The following GALNT17 variants were observed in gnomAD, a reference collection of about 807,000 sequenced individuals.
The protein encoded by GALNT17 is UDP-GalNAc:polypeptide N-acetylgalactosaminyltransferase-like 3.
In GALNT17, 29 loss-of-function variants were observed where a neutral mutation model predicts 63.7. That is an observed-to-expected ratio of 0.46 (90% CI 0.34 to 0.62). GALNT17 has a LOEUF of 0.62. GALNT17 is among the 20% of genes least tolerant of loss of function. The pLI is 0.01. For missense variants in GALNT17, 603 were observed against 799.6 expected (o/e 0.75, Z 2.97); for synonymous variants, 305 against 318.3 (o/e 0.96, Z 0.45).
At chr7:71,672,011 G>A (rs1791077547) in intron 8 of GALNT17, among the ~76,000 whole-genome samples, 1 of 131,468 alleles carries the variant, frequency 7.6e-6, no homozygotes, top group Non-Finnish European at 1.6e-5. Flanking sequence ...CTGGGTGATA[G>A]AGTGAGACTC....
chr7:71,376,835 C>T (rs1182296297), intron 2 of GALNT17, among the ~76,000 whole-genome samples: 1 of 151,082 alleles, frequency 6.6e-6, no homozygotes, highest in Admixed American at 6.6e-5. Flanking sequence ...CCTGTAATCC[C>T]AGCACTTTGG....
chr7:71,496,215 G>A (rs1350951291), intron 5 of GALNT17, among the ~76,000 whole-genome samples: 1 of 152,116 alleles, frequency 6.6e-6, no homozygotes, highest in Admixed American at 6.5e-5. Flanking sequence ...GAATGTGAAG[G>A]ACCCTGCAGT....
At position 71,492,730 on chromosome 7, in the gene GALNT17, G is replaced by A. The variant is rs576169997; in HGVS notation, c.962+71625G>A. On this transcript the variant is annotated intron_variant, in intron 5 of 10. Transcript: ENST00000333538. Reference sequence around the variant, plus strand: ...GGAGACAGTACACTTTCGTAGAACCGTTGTGAGAATGCAGTTGGACAATAG... The same window carrying A: ...GGAGACAGTACACTTTCGTAGAACCATTGTGAGAATGCAGTTGGACAATAG... Among the ~76,000 whole-genome samples the A allele has an allele frequency of 7.2e-5, 11 of 152,216 alleles. No homozygotes were observed. The South Asian group carries it at 1.2e-3, about 17-fold the overall frequency.
intron 5 of GALNT17, among the ~76,000 whole-genome samples, chr7:71,511,271 T>C (rs751575135): frequency 2.6e-5 from 4 of 152,068 alleles, no homozygotes; most frequent in Admixed American, 1.3e-4. Context: ...GAAGTGGGAA[T>C]GGGCTTGGAT....
At chr7:71,597,663 G>A (rs1454031267) in intron 6 of GALNT17, among the ~76,000 whole-genome samples, 1 of 152,208 alleles carries the variant, frequency 6.6e-6, no homozygotes, top group Non-Finnish European at 1.5e-5. Flanking sequence ...AGGGTTGTCA[G>A]CAGATGAGCC....
rs889401366 is a variant in GALNT17 at position 71,369,593 on chromosome 7, A to G, written c.423-18642A>G. On this transcript the variant is annotated intron_variant, in intron 2 of 10. Transcript: ENST00000333538. ...TTTGGGAGGCAGAGGTAGGCGGATCACTTGAGTTCTAGAGTTCGAGACCAG... is the reference window on the plus strand; with the variant it reads ...TTTGGGAGGCAGAGGTAGGCGGATCGCTTGAGTTCTAGAGTTCGAGACCAG... 4.6e-5 allele frequency among the ~76,000 whole-genome samples: 7 copies of G among 152,230 alleles called. No individual in the cohort carries two copies. In the East Asian group the frequency reaches 1.4e-3, roughly 29 times the overall value.
chr7:71,505,315 G>C (rs1788249307), intron 5 of GALNT17, among the ~76,000 whole-genome samples: 1 of 152,064 alleles, frequency 6.6e-6, no homozygotes, highest in Non-Finnish European at 1.5e-5. Flanking sequence ...CAGCTCTCCT[G>C]GGGCCAGGCA....
intron 5 of GALNT17, among the ~76,000 whole-genome samples, chr7:71,530,350 A>G (rs984151603): frequency 6.6e-6 from 1 of 152,220 alleles, no homozygotes; most frequent in Middle Eastern, 3.4e-3. Flanking sequence ...ACACACACGC[A>G]CACACACACA....
At chr7:71,167,977 A>T (rs912965456) in intron 1 of GALNT17, among the ~76,000 whole-genome samples, 26 of 152,168 alleles carry the variant, frequency 1.7e-4, no homozygotes, top group Non-Finnish European at 1.6e-4. Flanking sequence ...GCTTCCTTTT[A>T]TAAGTGTTAT....
chr7:71,661,613 C>T (rs942926985), intron 6 of GALNT17, among the ~76,000 whole-genome samples: 3 of 152,162 alleles, frequency 2.0e-5, no homozygotes, highest in African/African-American at 7.2e-5. Flanking sequence ...GGATAATGAC[C>T]ACAGTGCATG....
intron 5 of GALNT17, among the ~76,000 whole-genome samples, chr7:71,540,870 T>C (rs1788878421): frequency 6.6e-6 from 1 of 152,148 alleles, no homozygotes; most frequent in South Asian, 2.1e-4. Context: ...TTAGGTCTGC[T>C]TCTCCCTGCC....
At chr7:71,360,962 A>G (rs1226239077) in intron 2 of GALNT17, among the ~76,000 whole-genome samples, 1 of 152,210 alleles carries the variant, frequency 6.6e-6, no homozygotes, top group Non-Finnish European at 1.5e-5. Context: ...CTTAAAAATA[A>G]TAATAACTTT....
At chr7:71,148,557 A>G (rs1359980553) in intron 1 of GALNT17, among the ~76,000 whole-genome samples, 1 of 152,188 alleles carries the variant, frequency 6.6e-6, no homozygotes, top group Non-Finnish European at 1.5e-5. Context: ...CGCAGTGTCT[A>G]CCATGCCCTC....
chr7:71,195,361 G>T (rs1018098751), intron 1 of GALNT17, among the ~76,000 whole-genome samples: 1 of 146,540 alleles, frequency 6.8e-6, no homozygotes, highest in African/African-American at 2.5e-5. Context: ...CCACAGGCAC[G>T]TGCCACCATG....
chr7:71,316,079 G>T (rs572994451), intron 1 of GALNT17, among the ~76,000 whole-genome samples: 1 of 152,160 alleles, frequency 6.6e-6, no homozygotes, highest in Non-Finnish European at 1.5e-5. Flanking sequence ...ATTGTGTCCA[G>T]TGCAACAGCT....
At chr7:71,332,430 C>G (rs1791822470) in intron 1 of GALNT17, among the ~76,000 whole-genome samples, 1 of 152,262 alleles carries the variant, frequency 6.6e-6, no homozygotes, top group Non-Finnish European at 1.5e-5. Context: ...AGTTAATGAG[C>G]AACTCATCCT....
intron 1 of GALNT17, among the ~76,000 whole-genome samples, chr7:71,172,316 G>A (rs1585856253): frequency 6.6e-6 from 1 of 151,864 alleles, no homozygotes; most frequent in African/African-American, 2.4e-5. Context: ...AAATGAACCA[G>A]GCATGGTATG....
intron 5 of GALNT17, among the ~76,000 whole-genome samples, chr7:71,540,259 G>A (rs988592093): frequency 2.0e-5 from 3 of 151,372 alleles, no homozygotes; most frequent in Non-Finnish European, 4.4e-5. Flanking sequence ...TGGGATTACA[G>A]GTGCCAGCCA....
In GALNT17 at chr7:71,277,654, C is replaced by T. The variant is rs1429162735; in HGVS notation, c.239-57896C>T. 3.3e-5 allele frequency among the ~76,000 whole-genome samples: 5 copies of T among 152,130 alleles called. No homozygotes were observed. In the South Asian group the frequency reaches 6.2e-4, roughly 19 times the overall value. ...TGCGCAAACCTGGGCACTTTACAGA[C>T]GTGCCAAGAGAAAGGGTTTGCATCA... On this transcript the variant is annotated intron_variant, in intron 1 of 10. Transcript: ENST00000333538.
Sources: gnomAD v4.1 joint callset for allele counts (sites outside exome capture counted in the v4.1 genomes callset) on GRCh38, gnomAD v4.1.1 for gene constraint, MANE v1.5 for transcripts, NCBI Gene and HGNC (gene_info 2026-07-23, HGNC 2026-07-21) for gene names.